Variants in PIK3CB observed in about 807,000 individuals in gnomAD.
The protein encoded by PIK3CB is phosphatidylinositol-4,5-bisphosphate 3-kinase catalytic subunit beta.
A neutral mutation model predicts 136.8 loss-of-function variants in PIK3CB; 39 were observed. The observed-to-expected ratio is 0.29, with a 90% CI of 0.22 to 0.37. The LOEUF is 0.37. Among genes scored for constraint, PIK3CB ranks in the 10% least tolerant of loss-of-function variants. The probability of loss-of-function intolerance (pLI) is 1.00; values close to 1 mark genes in which losing one functional copy is unlikely to be tolerated. For synonymous variants in PIK3CB, 428 were observed against 436.6 expected (o/e 0.98, Z 0.25); for missense variants, 868 against 1,275.4 (o/e 0.68, Z 4.87).
chr3:138,676,276 A>G (rs533665243), intron 19 of PIK3CB, among the ~76,000 whole-genome samples: 1 of 152,348 alleles, frequency 6.6e-6, no homozygotes, highest in Middle Eastern at 3.4e-3. Flanking sequence ...ATAACACCTC[A>G]AACCTACTAG....
intron 1 of PIK3CB, among the ~76,000 whole-genome samples, chr3:138,799,463 A>T (rs1227090225): frequency 6.6e-6 from 1 of 151,828 alleles, no homozygotes; most frequent in African/African-American, 2.4e-5. Context: ...CCTCTCTACA[A>T]TTAATCCGCA....
At chr3:138,761,483 C>T (rs576975993) in intron 2 of PIK3CB, among the ~76,000 whole-genome samples, 2 of 152,292 alleles carry the variant, frequency 1.3e-5, no homozygotes, top group East Asian at 3.9e-4. Context: ...CTATAAAAAA[C>T]TATCTTAGCC....
intron 2 of PIK3CB, among the ~76,000 whole-genome samples, chr3:138,760,691 G>A (rs1337030564): frequency 1.3e-5 from 2 of 152,162 alleles, no homozygotes; most frequent in Admixed American, 6.6e-5. Context: ...TGGATTGCTT[G>A]AGTCCAGGAG....
intron 1 of PIK3CB, chr3:138,826,234 A>G: frequency 1.3e-6 from 2 of 1,517,162 alleles, no homozygotes; most frequent in Non-Finnish European, 1.8e-6. Flanking sequence ...GATATGAAAC[A>G]GAGTTGCCGT....
At chr3:138,799,409 G>C (rs1242287410) in intron 1 of PIK3CB, among the ~76,000 whole-genome samples, 2 of 151,764 alleles carry the variant, frequency 1.3e-5, no homozygotes, top group Non-Finnish European at 2.9e-5. Context: ...TTGAACTCCT[G>C]ACCTTGTGAT....
In PIK3CB at chr3:138,652,942, G is replaced by A. The variant is rs573199646; in HGVS notation, c.*2447C>T. ...ACCAGTTCTCTCTGGTGATGCTGAT[G>A]CTCCTCATCAGGGGACCACACTTGG... On this transcript the variant is annotated 3_prime_UTR_variant, in exon 24 of 24. Coordinates refer to ENST00000674063, the MANE Select transcript of PIK3CB (RefSeq NM_006219.3). The A allele has an allele frequency of 1.8e-5, 4 of 216,476 alleles. No homozygotes were observed. The highest frequency in any genetic ancestry group is 2.8e-5 in the Non-Finnish European group (3 of 107,666). 13.4% of individuals were successfully genotyped at this position (216,476 alleles called of 1,614,324 possible). A position where few individuals can be genotyped will look rare whatever the true frequency, so the allele number is the denominator to read the frequency against.
Position 138,713,752 on chromosome 3 carries a change from G to A in PIK3CB, c.1302+716C>T, listed in dbSNP as rs565466391. On this transcript the variant is annotated intron_variant, in intron 9 of 23. Transcript: ENST00000674063. ...GATTTTAAAAACATATAAAATTAAT[G>A]TCCCTATCCCCACCAAAAAGCTTTC... Among the ~76,000 whole-genome samples the A allele has an allele frequency of 1.1e-4, 16 of 152,156 alleles. No homozygotes were observed. In the South Asian group the frequency reaches 2.9e-3, roughly 28 times the overall value.
At chr3:138,771,690 C>T (rs1228112403) in intron 2 of PIK3CB, among the ~76,000 whole-genome samples, 1 of 152,050 alleles carries the variant, frequency 6.6e-6, no homozygotes, top group African/African-American at 2.4e-5. Context: ...AAAGATGGCA[C>T]TCTAAACAGC....
chr3:138,754,827 C>G (rs1216180050), intron 4 of PIK3CB, among the ~76,000 whole-genome samples: 2 of 152,142 alleles, frequency 1.3e-5, no homozygotes, highest in African/African-American at 2.4e-5. Flanking sequence ...CTGATCAATA[C>G]AGGTACCCAA....
chr3:138,714,894 C>A (rs1201936942), intron 8 of PIK3CB, among the ~76,000 whole-genome samples, 175 bp from the exon 9 acceptor site: 9 of 152,152 alleles, frequency 5.9e-5, no homozygotes, highest in Admixed American at 5.9e-4. Context: ...GTCTGCAGAA[C>A]CACTAGAGTG....
chr3:138,732,720 G>GAAA (rs68137286), intron 8 of PIK3CB, among the ~76,000 whole-genome samples: 12 of 109,276 alleles, frequency 1.1e-4, no homozygotes, highest in African/African-American at 4.2e-4. Context: ...GGAAAGAAAA[G>GAAA]AAAAAAAAAA....
intron 1 of PIK3CB, among the ~76,000 whole-genome samples, chr3:138,803,881 T>G (rs1382955123): frequency 1.3e-5 from 2 of 152,166 alleles, no homozygotes; most frequent in East Asian, 3.9e-4. Context: ...GCAGAATGAA[T>G]TTGACATTCC....
chr3:138,758,429 T>A (rs558462492), intron 3 of PIK3CB, among the ~76,000 whole-genome samples: 43 of 152,356 alleles, frequency 2.8e-4, no homozygotes, highest in African/African-American at 9.4e-4. Flanking sequence ...TAATCTAATG[T>A]GAAGTATAGC....
rs2108506356 is a variant in PIK3CB at position 138,691,103 on chromosome 3, C to A, written c.1933G>T (p.Val645Leu). 6.2e-7 allele frequency: 1 copy of A among 1,613,268 alleles called. No individual in the cohort carries two copies. The highest frequency in any genetic ancestry group is 8.5e-7 in the Non-Finnish European group (1 of 1,179,356). ...LSQYLLQLVQ[V>L]LKYEPFLDCA... ...TCAAGAAAAGGCTCATATTTTAACA[C>A]TTGCACCAGTTGTAAAAGATATTGA... Residue 645 changes from valine (V) to leucine (L), a missense_variant, in exon 15 of 24, where the codon GTG becomes TTG. This residue lies in a region of PIK3CB where 612 missense variants were observed against 801.1 expected (regional missense o/e 0.76). Transcript: ENST00000674063.
rs1369794473 is a variant in PIK3CB at position 138,801,892 on chromosome 3, A to G, written c.-121-5325T>C. On this transcript the variant is annotated intron_variant, in intron 1 of 23. Coordinates refer to ENST00000674063, the MANE Select transcript of PIK3CB (RefSeq NM_006219.3). ...AAAAAAAAAAAAAAAAGATAAAGAA[A>G]AAAATTAGCTGGGTGTGTTGGTGCA... 4.0e-5 allele frequency among the ~76,000 whole-genome samples: 6 copies of G among 151,090 alleles called. No homozygotes were observed. In the Admixed American group the frequency reaches 4.0e-4, roughly 10 times the overall value.
Position 138,698,908 on chromosome 3 carries a change from T to G in PIK3CB, c.1769A>C (p.Gln590Pro). The G allele has an allele frequency of 1.3e-6, 2 of 1,585,618 alleles. No individual in the cohort carries two copies. The highest frequency in any genetic ancestry group is 1.7e-6 in the Non-Finnish European group (2 of 1,160,668). ...IKWNKLEDVAQLQALLQIWPK... is the reference protein window; with the variant it reads ...IKWNKLEDVAPLQALLQIWPK... The stretch of plus-strand genomic sequence containing the variant: ...GTTATAGAAACGATCTTTTGTTACC[T>G]GAGCAACATCCTCAAGTTTATTCCA... Residue 590 changes from glutamine to proline, a missense_variant and splice_region_variant, in exon 13 of 24, where the codon CAG becomes CCG. Physicochemically the swap from Gln to Pro is moderately conservative, Grantham distance 76. This residue lies in a region of PIK3CB where 612 missense variants were observed against 801.1 expected (regional missense o/e 0.76). Transcript: ENST00000674063.
At chr3:138,769,049 C>T (rs539447156) in intron 2 of PIK3CB, among the ~76,000 whole-genome samples, 13 of 152,202 alleles carry the variant, frequency 8.5e-5, no homozygotes, top group African/African-American at 2.6e-4. Context: ...CGGGTCTGCA[C>T]CCACAGTTTG....
Position 138,831,261 on chromosome 3 carries a change from T to TATA in PIK3CB, c.-122+3433_-122+3434insTAT, listed in dbSNP as rs1553745232. Among the ~76,000 whole-genome samples the TATA allele has an allele frequency of 7.9e-4, 115 of 145,506 alleles. 1 individual carries two copies. Among genetic ancestry groups the TATA allele is most frequent in the South Asian group, 7.9e-3 (37 of 4,684 alleles). On this transcript the variant is annotated intron_variant, in intron 1 of 23. Transcript: ENST00000674063. Reference sequence around the variant, plus strand: ...CAACAGAGTGAGACTCCGTCTCAAATAAATAAAATAAAATAAAATAAAATT... The same window carrying TATA: ...CAACAGAGTGAGACTCCGTCTCAAATATAAAATAAAATAAAATAAAATAAAATT...
At chr3:138,790,810 T>C (rs1423994267) in intron 2 of PIK3CB, among the ~76,000 whole-genome samples, 2 of 138,102 alleles carry the variant, frequency 1.4e-5, no homozygotes, top group Admixed American at 7.3e-5. Flanking sequence ...TGAGACTCCT[T>C]CTCAAAAAAA....
Sources: gnomAD v4.1 joint callset for allele counts (sites outside exome capture counted in the v4.1 genomes callset) on GRCh38, gnomAD v4.1.1 for gene constraint, gnomAD v4.1.1 regional missense constraint, MANE v1.5 for transcripts, NCBI Gene and HGNC (gene_info 2026-07-23, HGNC 2026-07-21) for gene names.